The following BTBD9 variants were observed in gnomAD, a reference collection of about 807,000 sequenced individuals.
The protein encoded by BTBD9 is BTB/POZ domain-containing protein 9.
Under a neutral mutation model 64.3 loss-of-function variants are expected in BTBD9, and 49 were observed. The observed-to-expected ratio is 0.76, with a 90% CI of 0.61 to 0.97. BTBD9 has a LOEUF of 0.97. BTBD9 is among the 50% of genes least tolerant of loss of function. The probability of loss-of-function intolerance (pLI) is 0.00; values close to 1 mark genes in which losing one functional copy is unlikely to be tolerated. For missense variants in BTBD9, 598 were observed against 762.1 expected (o/e 0.78, Z 2.53); for synonymous variants, 260 against 274.7 (o/e 0.95, Z 0.53).
At chr6:38,288,508 A>G (rs1280330058) in intron 7 of BTBD9, 47 bp from the exon 8 acceptor site, 5 of 1,502,216 alleles carry the variant, frequency 3.3e-6, no homozygotes, top group Non-Finnish European at 4.6e-6. Context: ...GAGAAGCCAA[A>G]TATATCTCTA....
chr6:38,479,597 C>T lies in BTBD9; in HGVS notation c.1154+98003G>A, dbSNP rs77646414. 6.3e-3 allele frequency among the ~76,000 whole-genome samples: 952 copies of T among 152,250 alleles called. 8 individuals are homozygous for T. The highest frequency in any genetic ancestry group is 0.02 in the South Asian group (95 of 4,816). ...GTAACACTCCCTTTCTGACTGCATC[C>T]GTGTGACTGGGCCACCAAGTCCCAC... On this transcript the variant is annotated intron_variant, in intron 6 of 10. Coordinates refer to ENST00000481247, the MANE Select transcript of BTBD9 (RefSeq NM_001099272.2).
intron 6 of BTBD9, among the ~76,000 whole-genome samples, chr6:38,420,907 G>GA: frequency 6.6e-6 from 1 of 151,938 alleles, no homozygotes; most frequent in African/African-American, 2.4e-5. Context: ...AATTACATAA[G>GA]AAAAAAGCAC....
chr6:38,585,487 T>G (rs557168819), intron 4 of BTBD9, among the ~76,000 whole-genome samples: 2 of 152,034 alleles, frequency 1.3e-5, no homozygotes, highest in Admixed American at 6.5e-5. Flanking sequence ...TTAAAAAAAA[T>G]TTTTTAGAGA....
At chr6:38,509,112 C>T (rs1772668059) in intron 6 of BTBD9, among the ~76,000 whole-genome samples, 1 of 152,176 alleles carries the variant, frequency 6.6e-6, no homozygotes, top group East Asian at 1.9e-4. Flanking sequence ...TCCCTGAAGA[C>T]AAGAAGTGTG....
intron 7 of BTBD9, among the ~76,000 whole-genome samples, chr6:38,325,629 G>A (rs1763393996): frequency 6.6e-6 from 1 of 152,206 alleles, no homozygotes. Context: ...AGCTTGCAGT[G>A]AGCCAAGATC....
chr6:38,194,480 G>A (rs924299365), intron 9 of BTBD9, among the ~76,000 whole-genome samples: 6 of 152,148 alleles, frequency 3.9e-5, no homozygotes, highest in Admixed American at 2.6e-4. Context: ...TTGGGGAGGC[G>A]GTGGGAGTGG....
At chr6:38,316,581 T>C (rs1050397762) in intron 7 of BTBD9, among the ~76,000 whole-genome samples, 15 of 152,220 alleles carry the variant, frequency 9.9e-5, no homozygotes, top group Non-Finnish European at 1.0e-4. Flanking sequence ...AAAAATTCTA[T>C]AATTTAACTT....
chr6:38,426,033 T>A (rs1401410995), intron 6 of BTBD9, among the ~76,000 whole-genome samples: 1 of 151,830 alleles, frequency 6.6e-6, no homozygotes, highest in Non-Finnish European at 1.5e-5. Flanking sequence ...ATTCTTGATG[T>A]CTTTACAAAA....
intron 6 of BTBD9, among the ~76,000 whole-genome samples, chr6:38,391,788 C>T (rs1043335437): frequency 3.3e-5 from 5 of 152,106 alleles, no homozygotes; most frequent in Admixed American, 2.6e-4. Context: ...TGAAGTAAAG[C>T]GAAAAGGCAG....
intron 8 of BTBD9, among the ~76,000 whole-genome samples, chr6:38,270,219 T>C (rs906316008): frequency 6.6e-6 from 1 of 152,180 alleles, no homozygotes; most frequent in African/African-American, 2.4e-5. Flanking sequence ...TATAATCCTT[T>C]TTGCTGGACC....
intron 4 of BTBD9, among the ~76,000 whole-genome samples, chr6:38,582,593 C>T (rs1487850475): frequency 6.6e-6 from 1 of 152,124 alleles, no homozygotes; most frequent in Non-Finnish European, 1.5e-5. Flanking sequence ...AATGGCCATA[C>T]CTTCTCCCTC....
intron 6 of BTBD9, among the ~76,000 whole-genome samples, chr6:38,351,901 C>T (rs1017766543): frequency 1.3e-5 from 2 of 151,916 alleles, no homozygotes; most frequent in African/African-American, 4.8e-5. Context: ...CCTGATGTGC[C>T]TTCAGTGTAT....
chr6:38,329,613 G>A (rs1382739753), intron 7 of BTBD9, among the ~76,000 whole-genome samples: 2 of 152,128 alleles, frequency 1.3e-5, no homozygotes, highest in East Asian at 3.9e-4. Context: ...CTGAGCCACG[G>A]CGCCCTGCCT....
chr6:38,191,269 C>T (rs1751066289), intron 10 of BTBD9, among the ~76,000 whole-genome samples: 1 of 152,142 alleles, frequency 6.6e-6, no homozygotes, highest in Admixed American at 6.5e-5. Flanking sequence ...TTTAAATTAT[C>T]ACAATATTTT....
chr6:38,548,964 G>T (rs1360046737), intron 6 of BTBD9, among the ~76,000 whole-genome samples: 1 of 152,190 alleles, frequency 6.6e-6, no homozygotes, highest in Admixed American at 6.5e-5. Context: ...AAGGTGACTT[G>T]TAAATTCTAA....
chr6:38,572,030 T>C (rs1775795757), intron 6 of BTBD9, among the ~76,000 whole-genome samples: 1 of 150,020 alleles, frequency 6.7e-6, no homozygotes, highest in Admixed American at 6.6e-5. Context: ...GACCAGAAAA[T>C]ATCACCCCCT....
intron 6 of BTBD9, among the ~76,000 whole-genome samples, chr6:38,438,838 G>C (rs1440672544): frequency 6.6e-6 from 1 of 152,144 alleles, no homozygotes; most frequent in African/African-American, 2.4e-5. Context: ...AAGGAAGATG[G>C]GTGTTTGGCC....
At chr6:38,186,392 G>A (rs1165744759) in intron 10 of BTBD9, among the ~76,000 whole-genome samples, 1 of 152,338 alleles carries the variant, frequency 6.6e-6, no homozygotes, top group East Asian at 1.9e-4. Flanking sequence ...AGGAGATGCT[G>A]AGATATCTGG....
intron 1 of BTBD9, among the ~76,000 whole-genome samples, chr6:38,618,363 G>A (rs188089822): frequency 5.3e-4 from 81 of 152,318 alleles, no homozygotes; most frequent in African/African-American, 1.9e-3. Context: ...GAAGGCAAAT[G>A]GAGTGAAATA....
Sources: allele counts gnomAD v4.1 joint callset (sites outside exome capture counted in the v4.1 genomes callset), GRCh38; gene constraint gnomAD v4.1.1; transcripts MANE v1.5; gene names NCBI Gene and HGNC (gene_info 2026-07-23, HGNC 2026-07-21).